The following ZAN variants were observed in gnomAD, a reference collection of about 807,000 sequenced individuals.
The protein encoded by ZAN is zonadhesin, also known as zonadhesin (gene/pseudogene).
ZAN carries 260 observed loss-of-function variants against 286.2 expected under a neutral mutation model. That is an observed-to-expected ratio of 0.91 (90% confidence interval 0.82 to 1.01). The LOEUF is 1.01. Among genes scored for constraint, ZAN ranks in the 50% least tolerant of loss-of-function variants. The pLI is 0.00. For missense variants in ZAN, 3,410 were observed against 3,639.2 expected (o/e 0.94, Z 1.62); for synonymous variants, 1,368 against 1,417.5 (o/e 0.97, Z 0.79).
chr7:100,760,322 A>T, intron 18 of ZAN, 69 bp from the exon 19 acceptor site: 2 of 1,578,686 alleles, frequency 1.3e-6, no homozygotes, highest in Non-Finnish European at 8.7e-7. Flanking sequence ...AGCTATGGAA[A>T]TGAAAGTCTG....
chr7:100,775,568 G>A lies in ZAN; in HGVS notation c.6020G>A (p.Arg2007His), dbSNP rs1293583861. 8.7e-6 allele frequency: 14 copies of A among 1,613,218 alleles called. No individual in the cohort carries two copies. The highest frequency in any genetic ancestry group is 2.2e-5 in the East Asian group (1 of 44,858). ...DAQVTLQKGH[R>H]VLINSKQVTL... ...CAGGTCACCCTGCAGAAGGGCCACCGTGTGCTAGTGAGCTGGGTGTGGTGA... is the reference window on the plus strand; with the variant it reads ...CAGGTCACCCTGCAGAAGGGCCACCATGTGCTAGTGAGCTGGGTGTGGTGA... The change falls in exon 32 of 48, where the codon CGT (arginine) becomes CAT (histidine). Residue 2007 changes from arginine (R) to histidine (H), a missense_variant. Physicochemically the swap from Arg to His is conservative, Grantham distance 29. Around this residue, in one of 7 missense-constraint regions of ZAN, gnomAD observed 1,289 missense variants for 1,314.3 expected, o/e 0.98. Transcript: ENST00000613979.
intron 20 of ZAN, 42 bp downstream of exon 20, chr7:100,762,400 G>T: frequency 1.3e-6 from 2 of 1,502,890 alleles, no homozygotes; most frequent in Non-Finnish European, 1.8e-6. Context: ...GGAAGGTTCC[G>T]TCCCCTTCCT....
At chr7:100,776,358 G>C in intron 33 of ZAN, 82 bp from the exon 34 acceptor site, 1 of 1,476,938 alleles carries the variant, frequency 6.8e-7, no homozygotes, top group Non-Finnish European at 9.1e-7. Flanking sequence ...AACTGCTCTC[G>C]TGAGGGAAGG....
chr7:100,737,078 C>A lies in ZAN; in HGVS notation c.523C>A (p.Arg175=). Residue 175 remains arginine, a splice_region_variant and synonymous_variant, in exon 5 of 48, where the codon CGG becomes AGG. Coordinates refer to ENST00000613979, the MANE Select transcript of ZAN (RefSeq NM_003386.3). ...TVPAGFTLPT[R]LMFEGTRGST... ...GCCCGCAGGGTTCACCCTGCCCACC[C>A]GGGTAAGGCCGGGGACAAATTGTGG... 2 of 1,490,040 alleles carry A rather than the reference C, an allele frequency of 1.3e-6. 1 individual carries two copies. The highest frequency in any genetic ancestry group is 1.8e-6 in the Non-Finnish European group (2 of 1,091,244). 92.3% of individuals were successfully genotyped at this position (1,490,040 alleles called of 1,614,324 possible).
In ZAN at chr7:100,752,122, G is replaced by A; in HGVS notation, c.2017G>A (p.Glu673Lys). 6.2e-7 allele frequency: 1 copy of A among 1,610,402 alleles called. No individual in the cohort carries two copies. Among genetic ancestry groups the A allele is most frequent in the East Asian group, 2.2e-5 (1 of 44,670 alleles). ...TPTEETTTSM[E>K]EPVIPTEKPS... ...CACTGAGGAGACCACCACCTCCATG[G>A]AAGAGCCTGTCATCCCTACAGAAAA... is the stretch of plus-strand genomic sequence containing the variant. Residue 673 changes from glutamate to lysine, a missense_variant, in exon 14 of 48, where the codon GAA becomes AAA. Physicochemically the swap from Glu to Lys is moderately conservative, Grantham distance 56. Around this residue, in one of 7 missense-constraint regions of ZAN, gnomAD observed 872 missense variants for 938.9 expected, o/e 0.93. Coordinates refer to ENST00000613979, the MANE Select transcript of ZAN (RefSeq NM_003386.3).
At chr7:100,758,146 G>A in intron 15 of ZAN, 56 bp from the exon 16 acceptor site, 4 of 1,365,590 alleles carry the variant, frequency 2.9e-6, no homozygotes, top group Non-Finnish European at 2.9e-6. Context: ...GAAAGGCAAA[G>A]GGAGAAGTAC....
At chr7:100,771,486 C>G (rs564840850) in intron 28 of ZAN, among the ~76,000 whole-genome samples, 3 of 150,854 alleles carry the variant, frequency 2.0e-5, no homozygotes, top group Admixed American at 1.3e-4. Flanking sequence ...GGCTGGAGTG[C>G]AATGGCACAA....
chr7:100,776,593 T>C, intron 34 of ZAN, 29 bp downstream of exon 34: 1 of 1,469,026 alleles, frequency 6.8e-7, no homozygotes, highest in Non-Finnish European at 9.1e-7. Context: ...CCTCTAGGTT[T>C]TCTTTCTTTT....
Position 100,779,508 on chromosome 7 carries a change from G to A in ZAN, c.6380G>A (p.Gly2127Glu), listed in dbSNP as rs754907824. The stretch of plus-strand genomic sequence containing the variant: ...GCGGAACAGCAGGAGAACCCGAGTG[G>A]AAACTGCAGGGCGGCCGACCTCCGC... ...IPAEQQENPS[G>E]NCRAADLRRA... The change falls in exon 35 of 48, where the codon GGA becomes GAA. Residue 2127 changes from glycine (G) to glutamate (E), a missense_variant. This residue lies in a region of ZAN where 1,289 missense variants were observed against 1,314.3 expected (regional missense o/e 0.98). Transcript: ENST00000613979. 2 of 1,610,930 alleles carry A rather than the reference G, an allele frequency of 1.2e-6. No homozygotes were observed. Among genetic ancestry groups the A allele is most frequent in the South Asian group, 1.1e-5 (1 of 90,128 alleles).
intron 35 of ZAN, among the ~76,000 whole-genome samples, chr7:100,783,747 AAAAAAAAAAAAAAAAAAT>A (rs1811343940): frequency 4.1e-5 from 1 of 24,114 alleles, no homozygotes; most frequent in East Asian, 1.0e-3. Context: ...AAAAAAAAAA[AAAAAAAAAAAAAAAAAAT>A]ATATATATAT....
Position 100,779,531 on chromosome 7 carries a change from C to T in ZAN, c.6403C>T (p.Arg2135Cys), listed in dbSNP as rs748918953. 85 of 1,612,424 alleles carry T rather than the reference C, an allele frequency of 5.3e-5. No homozygotes were observed. In the Admixed American group the frequency reaches 7.9e-4, roughly 15 times the overall value. Reference sequence around the variant, plus strand: ...TGGAAACTGCAGGGCGGCCGACCTCCGCAGGGCGCGGGAAAAGTGCGAGGC... The same window carrying T: ...TGGAAACTGCAGGGCGGCCGACCTCTGCAGGGCGCGGGAAAAGTGCGAGGC... Reference protein sequence around the residue: ...PSGNCRAADLRRAREKCEAAL... With the variant: ...PSGNCRAADLCRAREKCEAAL... The change falls in exon 35 of 48, where the codon CGC becomes TGC. Residue 2135 changes from arginine (R) to cysteine (C), a missense_variant. Physicochemically the swap from Arg to Cys is radical, Grantham distance 180. Around this residue, in one of 7 missense-constraint regions of ZAN, gnomAD observed 1,289 missense variants for 1,314.3 expected, o/e 0.98. Coordinates refer to ENST00000613979, the MANE Select transcript of ZAN (RefSeq NM_003386.3).
In ZAN at chr7:100,795,207, C is replaced by T; in HGVS notation, c.8137C>T (p.Leu2713=). ...TQGCFPESPC[L]QNPCQNDGQC... Reference sequence around the variant, plus strand: ...CTCTGTCCTTGCAGAAAGCCCGTGTCTGCAGAACCCCTGTCAGAATGACGG... The same window carrying T: ...CTCTGTCCTTGCAGAAAGCCCGTGTTTGCAGAACCCCTGTCAGAATGACGG... Residue 2713 remains leucine, a synonymous_variant, in exon 45 of 48, where the codon CTG becomes TTG. Coordinates refer to ENST00000613979, the MANE Select transcript of ZAN (RefSeq NM_003386.3). 2 of 1,609,678 alleles carry T rather than the reference C, an allele frequency of 1.2e-6. No individual in the cohort carries two copies. The highest frequency in any genetic ancestry group is 1.7e-6 in the Non-Finnish European group (2 of 1,178,060).
chr7:100,783,783 T>TATATATATATATACAC (rs377402352), intron 35 of ZAN, among the ~76,000 whole-genome samples: 1 of 20,486 alleles, frequency 4.9e-5, no homozygotes, highest in African/African-American at 1.4e-4. Context: ...TATATATATA[T>TATATATATATATACAC]ACACATATAT....
chr7:100,764,444 G>A (rs1809811286), intron 22 of ZAN, among the ~76,000 whole-genome samples: 1 of 152,024 alleles, frequency 6.6e-6, no homozygotes, highest in Admixed American at 6.6e-5. Flanking sequence ...GCAGTGAGCC[G>A]AGATTGCGCC....
In ZAN at chr7:100,736,642, G is replaced by A. The variant is rs1323061605; in HGVS notation, c.253+13G>A. Reference sequence around the variant, plus strand: ...TACCCTAACGGAGGTGAGGGGCTATGGTTTCCAGGGGACCATGAGCAGGGA... The same window carrying A: ...TACCCTAACGGAGGTGAGGGGCTATAGTTTCCAGGGGACCATGAGCAGGGA... On this transcript the variant is annotated intron_variant, in intron 4 of 47. Transcript: ENST00000613979. The A allele has an allele frequency of 1.3e-6, 2 of 1,520,520 alleles. No individual in the cohort carries two copies. Among genetic ancestry groups the A allele is most frequent in the African/African-American group, 1.4e-5 (1 of 71,322 alleles). The allele number at this position is 1,520,520 out of a possible 1,614,324, so 94.2% of individuals were successfully genotyped here.
chr7:100,775,058 G>A (rs1456779716), intron 31 of ZAN, among the ~76,000 whole-genome samples: 2 of 152,086 alleles, frequency 1.3e-5, no homozygotes, highest in Non-Finnish European at 2.9e-5. Context: ...CTTCCAAGTA[G>A]CTGAGATTAC....
Position 100,775,431 on chromosome 7 carries a change from C to T in ZAN, c.5883C>T (p.Cys1961=). 1 of 1,613,900 alleles carries T rather than the reference C, an allele frequency of 6.2e-7. No individual in the cohort carries two copies. The highest frequency in any genetic ancestry group is 8.5e-7 in the Non-Finnish European group (1 of 1,179,892). Residue 1961 remains cysteine (C), a synonymous_variant, in exon 32 of 48, where the codon TGC becomes TGT. Coordinates refer to ENST00000613979, the MANE Select transcript of ZAN (RefSeq NM_003386.3). ...DACTLVLVKV[C]HPAMALPFFK... ...GCACTCTTGTCCTGGTGAAAGTGTG[C>T]CACCCCGCCATGGCCTTGCCCTTCT...
chr7:100,779,792 C>T (rs968980363), intron 35 of ZAN, 42 bp downstream of exon 35: 2 of 1,514,864 alleles, frequency 1.3e-6, no homozygotes, highest in African/African-American at 1.4e-5. Context: ...TCCCAAACCC[C>T]CTTTCCCTCT....
In ZAN at chr7:100,767,023, C is replaced by T; in HGVS notation, c.4626C>T (p.Cys1542=). 6.2e-7 allele frequency: 1 copy of T among 1,613,852 alleles called. No individual in the cohort carries two copies. Among genetic ancestry groups the T allele is most frequent in the Non-Finnish European group, 8.5e-7 (1 of 1,179,830 alleles). Residue 1542 remains cysteine (C), a synonymous_variant, in exon 25 of 48, where the codon TGC becomes TGT. Transcript: ENST00000613979. ...YGCHAQGAAT[C]TASGDPHYLT... Reference sequence around the variant, plus strand: ...TCTTCTCCACAGGTGCCGCCACCTGCACAGCCTCGGGTGACCCCCACTACC... The same window carrying T: ...TCTTCTCCACAGGTGCCGCCACCTGTACAGCCTCGGGTGACCCCCACTACC...
Sources: gnomAD v4.1 joint callset for allele counts (sites outside exome capture counted in the v4.1 genomes callset) on GRCh38, gnomAD v4.1.1 for gene constraint, gnomAD v4.1.1 regional missense constraint, MANE v1.5 for transcripts, NCBI Gene and HGNC (gene_info 2026-07-23, HGNC 2026-07-21) for gene names.